The following CHL1 variants were observed in gnomAD, a reference collection of about 807,000 sequenced individuals.
The protein encoded by CHL1 is neural cell adhesion molecule L1-like protein.
In CHL1, 96 loss-of-function variants were observed where a neutral mutation model predicts 141.9. That is an observed-to-expected ratio of 0.68 (90% CI 0.57 to 0.80). The LOEUF (loss-of-function observed/expected upper bound fraction) is 0.80, where lower values mean the gene tolerates loss of function less well. Ranked by LOEUF, CHL1 falls within the 30% of genes least tolerant of loss-of-function variation. CHL1 has a pLI of 0.00. For missense variants in CHL1, 1,820 were observed against 1,457.2 expected (o/e 1.25, Z -4.05); for synonymous variants, 613 against 502.2 (o/e 1.22, Z -2.95).
chr3:290,212 C>G (rs1574972428), intron 2 of CHL1, among the ~76,000 whole-genome samples: 1 of 152,038 alleles, frequency 6.6e-6, no homozygotes, highest in African/African-American at 2.4e-5. Context: ...CATGAAAAAA[C>G]CACTTGTTTA....
chr3:289,967 C>T (rs1697533488), intron 2 of CHL1, among the ~76,000 whole-genome samples: 1 of 130,132 alleles, frequency 7.7e-6, no homozygotes, highest in African/African-American at 3.0e-5. Context: ...TGGAGTCTCA[C>T]TCTATCACCC....
intron 1 of CHL1, among the ~76,000 whole-genome samples, chr3:224,986 A>G (rs1471294742): frequency 2.0e-5 from 3 of 150,330 alleles, no homozygotes; most frequent in Non-Finnish European, 3.0e-5. Flanking sequence ...AAACAGAAAA[A>G]TTAGCCAGGT....
chr3:398,950 C>G, intron 25 of CHL1, 67 bp from the exon 26 acceptor site: 2 of 1,464,368 alleles, frequency 1.4e-6, no homozygotes, highest in Non-Finnish European at 1.9e-6. Context: ...TCTAATTTTC[C>G]CCAATGTTAC....
intron 2 of CHL1, among the ~76,000 whole-genome samples, chr3:281,807 G>A (rs1391039812): frequency 9.9e-5 from 15 of 152,076 alleles, no homozygotes; most frequent in Non-Finnish European, 2.1e-4. Flanking sequence ...TGATCTGCTT[G>A]CCTTGGCCTC....
intron 27 of CHL1, among the ~76,000 whole-genome samples, chr3:403,324 T>A (rs544681892): frequency 6.6e-6 from 1 of 152,276 alleles, no homozygotes; most frequent in African/African-American, 2.4e-5. Context: ...TCCCATCACT[T>A]TTGTTGTATT....
At chr3:243,874 T>G (rs1007222543) in intron 1 of CHL1, among the ~76,000 whole-genome samples, 1 of 152,210 alleles carries the variant, frequency 6.6e-6, no homozygotes, top group Non-Finnish European at 1.5e-5. Context: ...CAAAAAAATG[T>G]TGACTTATTC....
chr3:346,804 A>G (rs182954443), intron 9 of CHL1, among the ~76,000 whole-genome samples: 30 of 152,306 alleles, frequency 2.0e-4, no homozygotes, highest in African/African-American at 7.0e-4. Flanking sequence ...CTTTCTAAGA[A>G]GTTTTCAAGC....
In CHL1 at chr3:276,705, G is replaced by T. The variant is rs162730; in HGVS notation, c.-95+32013G>T. Among the ~76,000 whole-genome samples the T allele has an allele frequency of 2.2e-3, 329 of 151,826 alleles. 1 individual carries two copies. Among genetic ancestry groups the T allele is most frequent in the Middle Eastern group, 0.01 (3 of 294 alleles). On this transcript the variant is annotated intron_variant, in intron 2 of 27. Transcript: ENST00000256509. ...GAGATTGAGACCGTCCTGGCTAACA[G>T]GGTGAAATCCCTTCTCTACTAAAAA...
At chr3:288,753 T>C (rs532761878) in intron 2 of CHL1, among the ~76,000 whole-genome samples, 16 of 152,340 alleles carry the variant, frequency 1.1e-4, no homozygotes, top group African/African-American at 3.8e-4. Flanking sequence ...GGGAATTGTC[T>C]GTGAAGGGTT....
At chr3:365,093 G>GA (rs1371640831) in intron 14 of CHL1, among the ~76,000 whole-genome samples, 1 of 152,126 alleles carries the variant, frequency 6.6e-6, no homozygotes, top group Non-Finnish European at 1.5e-5. Flanking sequence ...AGTTCCTTGA[G>GA]AAAAATGTAC....
chr3:228,855 T>G (rs549322009), intron 1 of CHL1, among the ~76,000 whole-genome samples: 2 of 152,308 alleles, frequency 1.3e-5, no homozygotes, highest in South Asian at 4.1e-4. Context: ...TAATGGTGGA[T>G]TTGACCATAT....
intron 2 of CHL1, chr3:246,932 G>A (rs1279623301): frequency 6.6e-6 from 1 of 152,084 alleles, no homozygotes; most frequent in Non-Finnish European, 1.5e-5. Flanking sequence ...GATAAAACAT[G>A]TGCTGTGTGG....
At chr3:233,668 T>C (rs1691633490) in intron 1 of CHL1, among the ~76,000 whole-genome samples, 1 of 152,160 alleles carries the variant, frequency 6.6e-6, no homozygotes, top group Non-Finnish European at 1.5e-5. Flanking sequence ...AAAATTAAGC[T>C]CACATTCTAT....
intron 1 of CHL1, among the ~76,000 whole-genome samples, chr3:209,726 C>T (rs776961338): frequency 2.6e-5 from 4 of 152,196 alleles, no homozygotes; most frequent in East Asian, 1.9e-4. Flanking sequence ...TGCCACCCCA[C>T]GACAGGCCCC....
chr3:254,443 T>C (rs940379898), intron 2 of CHL1, among the ~76,000 whole-genome samples: 2 of 152,168 alleles, frequency 1.3e-5, no homozygotes. Context: ...AGTTCCAAGG[T>C]ATGATCTGAG....
chr3:385,014 A>T (rs1707507537), intron 19 of CHL1, among the ~76,000 whole-genome samples: 1 of 152,140 alleles, frequency 6.6e-6, no homozygotes, highest in Non-Finnish European at 1.5e-5. Context: ...TTTTTTTAAA[A>T]TGGTAATACA....
intron 1 of CHL1, among the ~76,000 whole-genome samples, chr3:218,032 G>A (rs74745597): frequency 0.02 from 3,105 of 152,126 alleles, 106 homozygotes; most frequent in African/African-American, 0.069. Context: ...GGGTGCTTTG[G>A]GGGCTGTTGT....
At chr3:351,321 G>A (rs1703236509) in intron 10 of CHL1, among the ~76,000 whole-genome samples, 1 of 152,162 alleles carries the variant, frequency 6.6e-6, no homozygotes, top group South Asian at 2.1e-4. Context: ...TGTAAATGAT[G>A]TTTTTATGAA....
chr3:206,645 T>C (rs1252011845), intron 1 of CHL1, among the ~76,000 whole-genome samples: 1 of 151,944 alleles, frequency 6.6e-6, no homozygotes, highest in African/African-American at 2.4e-5. Flanking sequence ...GAGGCTGAGG[T>C]GGGAGGATCA....
Sources: allele counts gnomAD v4.1 joint callset (sites outside exome capture counted in the v4.1 genomes callset), GRCh38; gene constraint gnomAD v4.1.1; transcripts MANE v1.5; gene names NCBI Gene and HGNC (gene_info 2026-07-23, HGNC 2026-07-21).